RAPGEF2: variants seen among roughly 807,000 people sequenced by gnomAD.
The protein encoded by RAPGEF2 is PDZ domain containing guanine nucleotide exchange factor (GEF) 1.
In RAPGEF2, 54 loss-of-function variants were observed where a neutral mutation model predicts 186.7. The ratio of observed to expected loss-of-function variants is 0.29; its 90% CI spans 0.23 to 0.36. The LOEUF (loss-of-function observed/expected upper bound fraction) is 0.36, where lower values mean the gene tolerates loss of function less well. Ranked by LOEUF, RAPGEF2 falls within the 10% of genes least tolerant of loss-of-function variation. RAPGEF2 has a pLI of 1.00. For synonymous variants in RAPGEF2, 712 were observed against 705.9 expected (o/e 1.01, Z -0.14); for missense variants, 1,532 against 2,045.0 (o/e 0.75, Z 4.84).
intron 5 of RAPGEF2, 65 bp downstream of exon 5, chr4:159,238,949 T>C: frequency 1.0e-6 from 1 of 983,292 alleles, no homozygotes; most frequent in South Asian, 2.1e-5. Flanking sequence ...GGCATTTTTA[T>C]AAACTGCTTA....
intron 1 of RAPGEF2, among the ~76,000 whole-genome samples, chr4:159,114,480 TCTC>T (rs1369318765): frequency 6.6e-6 from 1 of 151,896 alleles, no homozygotes; most frequent in Non-Finnish European, 1.5e-5. Flanking sequence ...CAAGCGATCT[TCTC>T]CTCTCGGCCT....
intron 1 of RAPGEF2, among the ~76,000 whole-genome samples, chr4:159,130,987 C>G (rs1212934855): frequency 6.6e-6 from 1 of 151,324 alleles, no homozygotes; most frequent in African/African-American, 2.4e-5. Context: ...GCAGCCACAC[C>G]CAGCCAGCTA....
chr4:159,128,306 C>G (rs1178087684), intron 1 of RAPGEF2, among the ~76,000 whole-genome samples: 1 of 152,140 alleles, frequency 6.6e-6, no homozygotes, highest in Non-Finnish European at 1.5e-5. Flanking sequence ...CCACGTGACC[C>G]TGGAAATTTT....
At chr4:159,313,810 A>C (rs181218930) in intron 8 of RAPGEF2, among the ~76,000 whole-genome samples, 207 of 152,306 alleles carry the variant, frequency 1.4e-3, no homozygotes, top group Non-Finnish European at 2.4e-3. Context: ...GATCTGTATG[A>C]TATATACATA....
At chr4:159,121,475 T>G (rs1467723084) in intron 1 of RAPGEF2, among the ~76,000 whole-genome samples, 1 of 151,986 alleles carries the variant, frequency 6.6e-6, no homozygotes, top group East Asian at 1.9e-4. Flanking sequence ...CAAGCTCTCC[T>G]CCCACCTCAG....
chr4:159,144,404 TC>T (rs1742678235), intron 1 of RAPGEF2, among the ~76,000 whole-genome samples: 1 of 152,228 alleles, frequency 6.6e-6, no homozygotes, highest in South Asian at 2.1e-4. Context: ...GTGTAATTCT[TC>T]AGTTCCATTT....
intron 1 of RAPGEF2, among the ~76,000 whole-genome samples, chr4:159,118,493 C>G (rs1227724228): frequency 1.3e-5 from 2 of 152,082 alleles, no homozygotes; most frequent in Non-Finnish European, 2.9e-5. Context: ...TGCACCCCCC[C>G]GCCCAACCCT....
chr4:159,281,685 AAAAAAG>A (rs1422796751), intron 7 of RAPGEF2, among the ~76,000 whole-genome samples: 4 of 143,986 alleles, frequency 2.8e-5, no homozygotes, highest in Non-Finnish European at 6.0e-5. Context: ...AAAAAAAAAA[AAAAAAG>A]AAAAGGAAAA....
At chr4:159,232,428 A>C (rs557732647) in intron 4 of RAPGEF2, among the ~76,000 whole-genome samples, 1 of 152,226 alleles carries the variant, frequency 6.6e-6, no homozygotes, top group African/African-American at 2.4e-5. Context: ...GATGTTTTCA[A>C]GGTTCATCCA....
chr4:159,159,114 G>A (rs1477266747), intron 1 of RAPGEF2, among the ~76,000 whole-genome samples: 1 of 152,158 alleles, frequency 6.6e-6, no homozygotes, highest in East Asian at 1.9e-4. Context: ...TTTCGACTGG[G>A]TCTGATGCCA....
rs758081825 is a variant in RAPGEF2 at position 159,346,991 on chromosome 4, A to G, written c.3705A>G (p.Pro1235=). The G allele has an allele frequency of 2.5e-6, 4 of 1,611,716 alleles. No individual in the cohort carries two copies. The African/African-American group carries it at 4.0e-5, about 16-fold the overall frequency. The change falls in exon 25 of 30, where the codon CCA becomes CCG. Residue 1235 remains proline (P), a synonymous_variant. Coordinates refer to ENST00000691494, the MANE Select transcript of RAPGEF2 (RefSeq NM_001394067.2). ...AGAAAGTGCCCGTAAAGGATCTCCC[A>G]CCTTTTGGTAAGTGATTACATTCAT... ...SRKKVPVKDL[P]PFGINSPQAL... is the part of the protein sequence containing the mutation.
chr4:159,288,487 A>T (rs908657170), intron 7 of RAPGEF2, among the ~76,000 whole-genome samples: 1 of 152,078 alleles, frequency 6.6e-6, no homozygotes, highest in African/African-American at 2.4e-5. Flanking sequence ...ACCTCACTCC[A>T]TTCTAACTTG....
At chr4:159,321,812 T>C (rs928819841) in intron 9 of RAPGEF2, among the ~76,000 whole-genome samples, 1 of 152,160 alleles carries the variant, frequency 6.6e-6, no homozygotes, top group South Asian at 2.1e-4. Context: ...TAAAAAATGG[T>C]GTTATCAGTT....
At chr4:159,345,424 C>G (rs953267649) in intron 24 of RAPGEF2, 95 bp downstream of exon 24, 2 of 1,098,274 alleles carry the variant, frequency 1.8e-6, no homozygotes, top group Non-Finnish European at 2.7e-6. Flanking sequence ...AGGCTTAGTG[C>G]AGAGGGGGAG....
chr4:159,262,641 G>A (rs1210366735), intron 7 of RAPGEF2, among the ~76,000 whole-genome samples: 2 of 152,158 alleles, frequency 1.3e-5, no homozygotes, highest in Non-Finnish European at 2.9e-5. Context: ...TGGACTTACA[G>A]GCTTCTTTGT....
In RAPGEF2 at chr4:159,202,535, G is replaced by A. The variant is rs141721274; in HGVS notation, c.198-7965G>A. On this transcript the variant is annotated intron_variant, in intron 3 of 29. Coordinates refer to ENST00000691494, the MANE Select transcript of RAPGEF2 (RefSeq NM_001394067.2). ...GCATCCTTTACCCACAGCCACTTCC[G>A]CAACGCCTGCCGCTCTGTTTTCTTT... Among the ~76,000 whole-genome samples the A allele has an allele frequency of 7.7e-4, 117 of 152,178 alleles. 1 individual carries two copies. The Middle Eastern group carries it at 0.041, about 53-fold the overall frequency.
intron 9 of RAPGEF2, among the ~76,000 whole-genome samples, chr4:159,319,853 A>C (rs559159472): frequency 1.3e-5 from 2 of 152,274 alleles, no homozygotes; most frequent in African/African-American, 4.8e-5. Context: ...GCCAAAAAGC[A>C]CGCAATATGT....
chr4:159,241,479 T>TAC (rs558692861), intron 6 of RAPGEF2, 111 bp downstream of exon 6: 37 of 403,532 alleles, frequency 9.2e-5, no homozygotes, highest in African/African-American at 5.8e-4. Context: ...TATATATATA[T>TAC]ACACACACAT....
intron 7 of RAPGEF2, among the ~76,000 whole-genome samples, chr4:159,250,195 G>T (rs974335474): frequency 2.0e-4 from 31 of 152,058 alleles, no homozygotes; most frequent in African/African-American, 7.5e-4. Flanking sequence ...GTAGAAGACA[G>T]AAGACAACAT....
Sources: gnomAD v4.1 joint callset for allele counts (sites outside exome capture counted in the v4.1 genomes callset) on GRCh38, gnomAD v4.1.1 for gene constraint, MANE v1.5 for transcripts, NCBI Gene and HGNC (gene_info 2026-07-23, HGNC 2026-07-21) for gene names.